AFG2A: variants seen among roughly 807,000 people sequenced by gnomAD.
The protein encoded by AFG2A is AAA ATPase AFG2A.
chr4:123,127,982 A>G, the AFG2A span, among the ~76,000 whole-genome samples: 1 of 152,208 alleles, frequency 6.6e-6, no homozygotes, highest in Non-Finnish European at 1.5e-5. Context: ...ACAGTGTTTA[A>G]CATATACTGA....
chr4:123,139,041 T>G, the AFG2A span, among the ~76,000 whole-genome samples: 1 of 152,150 alleles, frequency 6.6e-6, no homozygotes, highest in East Asian at 1.9e-4. Context: ...TATTTAAATT[T>G]TGGAATTTTT....
At chr4:123,102,309 A>G in the AFG2A span, 2 of 151,222 alleles carry the variant, frequency 1.3e-5, no homozygotes, top group Admixed American at 1.3e-4. Flanking sequence ...AAAAAAAAAA[A>G]AAAGAAAAAG....
At chr4:123,026,135 GTA>G in the AFG2A span, among the ~76,000 whole-genome samples, 1 of 149,224 alleles carries the variant, frequency 6.7e-6, no homozygotes, top group African/African-American at 2.5e-5. Context: ...GTGTGTGTGT[GTA>G]TGTGTGTCTG....
chr4:123,001,563 C>G, the AFG2A span, among the ~76,000 whole-genome samples: 2 of 150,972 alleles, frequency 1.3e-5, no homozygotes, highest in Non-Finnish European at 2.9e-5. Flanking sequence ...CGTTATGTAC[C>G]CAGTAGTCAT....
chr4:123,277,121 A>G, the AFG2A span, among the ~76,000 whole-genome samples: 1 of 152,084 alleles, frequency 6.6e-6, no homozygotes. Flanking sequence ...TGAGCATGGA[A>G]TGTTTTCTAT....
chr4:123,123,775 G>A, the AFG2A span, among the ~76,000 whole-genome samples: 30 of 150,958 alleles, frequency 2.0e-4, 1 homozygote, highest in South Asian at 5.5e-3. Flanking sequence ...GTGAAACCCC[G>A]TCTCTACTAA....
At chr4:123,283,363 AG>A in the AFG2A span, among the ~76,000 whole-genome samples, 1 of 150,964 alleles carries the variant, frequency 6.6e-6, no homozygotes, top group Non-Finnish European at 1.5e-5. Flanking sequence ...AAAAAAAGAG[AG>A]AGAGAGAGAG....
At chr4:123,071,349 G>T in the AFG2A span, among the ~76,000 whole-genome samples, 1 of 151,974 alleles carries the variant, frequency 6.6e-6, no homozygotes, top group African/African-American at 2.4e-5. Flanking sequence ...GCGTGGTGGC[G>T]CATGCCTGTA....
chr4:123,264,141 A>G, the AFG2A span, among the ~76,000 whole-genome samples: 1 of 152,200 alleles, frequency 6.6e-6, no homozygotes, highest in Non-Finnish European at 1.5e-5. Flanking sequence ...GTTCTTACTC[A>G]TAAGTGGGAG....
the AFG2A span, among the ~76,000 whole-genome samples, chr4:123,124,015 T>C: frequency 8.5e-5 from 10 of 117,134 alleles, no homozygotes; most frequent in African/African-American, 3.0e-4. Flanking sequence ...TGTGGAGAAA[T>C]AGGAACACTT....
At chr4:123,156,484 A>C in the AFG2A span, among the ~76,000 whole-genome samples, 2 of 152,188 alleles carry the variant, frequency 1.3e-5, no homozygotes, top group Non-Finnish European at 2.9e-5. Context: ...AAAATGTGCC[A>C]AAAAGTTCCA....
At chr4:122,964,870 G>A in the AFG2A span, among the ~76,000 whole-genome samples, 1 of 152,178 alleles carries the variant, frequency 6.6e-6, no homozygotes, top group African/African-American at 2.4e-5. Context: ...AATGGGCAGT[G>A]AGAAATGAAA....
chr4:123,317,876 G>A, the AFG2A span: 1 of 152,170 alleles, frequency 6.6e-6, no homozygotes, highest in Non-Finnish European at 1.5e-5. Context: ...CATATATAGT[G>A]GAAGAATAAA....
At chr4:122,993,161 C>CT in the AFG2A span, among the ~76,000 whole-genome samples, 1,983 of 143,916 alleles carry the variant, frequency 0.014, 42 homozygotes, top group African/African-American at 0.043. Context: ...GATTTTTGTG[C>CT]TTTTTTTTTT....
the AFG2A span, among the ~76,000 whole-genome samples, chr4:123,302,018 T>C: frequency 6.6e-6 from 1 of 152,022 alleles, no homozygotes; most frequent in South Asian, 2.1e-4. Flanking sequence ...CAGCTTTATG[T>C]GTGTGTCAAT....
At chr4:123,278,372 GTCTA>G in the AFG2A span, among the ~76,000 whole-genome samples, 1 of 152,084 alleles carries the variant, frequency 6.6e-6, no homozygotes, top group South Asian at 2.1e-4. Context: ...CTAGCTAGCA[GTCTA>G]TCTGTCTTAA....
chr4:122,938,162 A>C, the AFG2A span: 2 of 1,610,014 alleles, frequency 1.2e-6, no homozygotes, highest in South Asian at 1.1e-5. Flanking sequence ...AGCTGGATGC[A>C]CTTTGTCCGA....
the AFG2A span, among the ~76,000 whole-genome samples, chr4:123,189,172 T>C: frequency 6.6e-6 from 1 of 152,216 alleles, no homozygotes; most frequent in East Asian, 1.9e-4. Flanking sequence ...AGGAAAGAAC[T>C]GGCCCAAAAT....
At chr4:123,024,040 G>A in the AFG2A span, among the ~76,000 whole-genome samples, 2 of 151,798 alleles carry the variant, frequency 1.3e-5, no homozygotes, top group African/African-American at 2.4e-5. Context: ...GTAGTCATCA[G>A]TAATGGTGAC....
Sources: allele counts gnomAD v4.1 joint callset (sites outside exome capture counted in the v4.1 genomes callset), GRCh38; gene constraint gnomAD v4.1.1; transcripts MANE v1.5; gene names NCBI Gene and HGNC (gene_info 2026-07-23, HGNC 2026-07-21).